Variants in MAN1B1 observed in about 807,000 individuals in gnomAD.
MAN1B1 encodes mannosidase alpha class 1B member 1.
Under a neutral mutation model 75.5 loss-of-function variants are expected in MAN1B1, and 66 were observed. The observed-to-expected ratio is 0.87, with a 90% confidence interval of 0.72 to 1.07. The LOEUF (loss-of-function observed/expected upper bound fraction) is 1.07. Ranked by LOEUF, MAN1B1 falls within the 50% of genes least tolerant of loss-of-function variation. The pLI is 0.00. For synonymous variants in MAN1B1, 453 were observed against 382.8 expected (o/e 1.18, Z -2.14); for missense variants, 973 against 912.5 (o/e 1.07, Z -0.85).
intron 4 of MAN1B1, among the ~76,000 whole-genome samples, chr9:137,097,018 C>T (rs990192878): frequency 2.0e-5 from 3 of 152,194 alleles, no homozygotes; most frequent in East Asian, 3.8e-4. Context: ...CGCTGTCCGC[C>T]GTGAGAGATG....
intron 5 of MAN1B1, among the ~76,000 whole-genome samples, chr9:137,099,302 C>T (rs1164969112): frequency 1.3e-5 from 2 of 152,274 alleles, no homozygotes; most frequent in Non-Finnish European, 2.9e-5. Flanking sequence ...CACTCACCCA[C>T]GTCTCCACAG....
rs557743201 is a variant in MAN1B1, at chr9:137,103,944, C to T, written c.1255-2181C>T. The T allele has an allele frequency of 9.0e-4, 407 of 449,852 alleles. 1 individual carries two copies. Among genetic ancestry groups the T allele is most frequent in the African/African-American group, 7.1e-3 (346 of 48,680 alleles). The allele number at this position is 449,852 out of a possible 1,614,324, so 27.9% of individuals were successfully genotyped here. A position where few individuals can be genotyped will look rare whatever the true frequency, so the allele number is the denominator to read the frequency against. On this transcript the variant is annotated intron_variant, in intron 8 of 12. Transcript: ENST00000371589. Reference sequence around the variant, plus strand: ...TGTTACACATTCATGCTGTTGCAGGCGTGCAGGTCGGTGGTGTTGCACATT... The same window carrying T: ...TGTTACACATTCATGCTGTTGCAGGTGTGCAGGTCGGTGGTGTTGCACATT...
At position 137,108,879 on chromosome 9, in the gene MAN1B1, G is replaced by A. The variant is rs1196404990; in HGVS notation, c.*288G>A. ...GCTGAAGCCTGAGCAGGTCTCTGTG[G>A]GCCGACCAGAGGGGGGCTTCGAGGT... On this transcript the variant is annotated 3_prime_UTR_variant, in exon 13 of 13. Coordinates refer to ENST00000371589, the MANE Select transcript of MAN1B1 (RefSeq NM_016219.5). The A allele has an allele frequency of 1.7e-6, 1 of 583,544 alleles. No individual in the cohort carries two copies. The highest frequency in any genetic ancestry group is 3.2e-6 in the Non-Finnish European group (1 of 309,712). The allele number at this position is 583,544 out of a possible 1,614,324, so 36.1% of individuals were successfully genotyped here.
intron 2 of MAN1B1, 144 bp downstream of exon 2, chr9:137,088,327 G>C (rs767974184): frequency 2.3e-5 from 37 of 1,602,970 alleles, no homozygotes; most frequent in Non-Finnish European, 3.1e-5. Context: ...GAAAGGTAGA[G>C]CTGTATGTAA....
rs200805911 is a variant in MAN1B1, at chr9:137,096,206, G to A, written c.466-31G>A. 358 of 1,613,790 alleles carry A rather than the reference G, an allele frequency of 2.2e-4. 3 individuals are homozygous for A. The highest frequency in any genetic ancestry group is 9.1e-4 in the South Asian group (83 of 91,080). On this transcript the variant is annotated intron_variant, in intron 3 of 12. Coordinates refer to ENST00000371589, the MANE Select transcript of MAN1B1 (RefSeq NM_016219.5). ...AAGAAGGGCAGCTCGCAGACACCCC[G>A]TGATTTCCTGTGTGACCAATTTCTC...
chr9:137,099,617 G>A, intron 5 of MAN1B1, 79 bp from the exon 6 acceptor site: 2 of 1,492,830 alleles, frequency 1.3e-6, no homozygotes, highest in Non-Finnish European at 1.9e-6. Context: ...GGTCACAGCA[G>A]TGCTCTGCCT....
At chr9:137,100,759 A>G (rs1170631253) in intron 6 of MAN1B1, among the ~76,000 whole-genome samples, 6 of 152,108 alleles carry the variant, frequency 3.9e-5, no homozygotes, top group African/African-American at 1.5e-4. Flanking sequence ...AGTTGGGACC[A>G]CAGGCATGCG....
rs1227918860 is a variant in MAN1B1, at chr9:137,102,459, C to T, written c.1254+787C>T. The T allele has an allele frequency of 1.2e-4, 47 of 405,400 alleles. 1 individual carries two copies. The Middle Eastern group carries it at 2.5e-3, about 21-fold the overall frequency. 25.1% of individuals were successfully genotyped at this position (405,400 alleles called of 1,614,324 possible). A position where few individuals can be genotyped will look rare whatever the true frequency, so the allele number is the denominator to read the frequency against. ...TTCACACTGTTGCAGGCGTGCAGGT[C>T]GGTGGTGTTACACACATTCATTCTG... On this transcript the variant is annotated intron_variant, in intron 8 of 12. Transcript: ENST00000371589.
rs763358639 is a variant in MAN1B1 at position 137,089,024 on chromosome 9, G to A, written c.465+19G>A. The A allele has an allele frequency of 1.2e-6, 2 of 1,613,848 alleles. No individual in the cohort carries two copies. The highest frequency in any genetic ancestry group is 2.2e-5 in the South Asian group (2 of 91,076). On this transcript the variant is annotated intron_variant, in intron 3 of 12. Coordinates refer to ENST00000371589, the MANE Select transcript of MAN1B1 (RefSeq NM_016219.5). ...GTCACAGGTACTTTGAGCAAATGGTGTGGGGTTATAACTGGGGTTCAATCC... is the reference window on the plus strand; with the variant it reads ...GTCACAGGTACTTTGAGCAAATGGTATGGGGTTATAACTGGGGTTCAATCC...
At chr9:137,106,066 C>T in intron 8 of MAN1B1, 59 bp from the exon 9 acceptor site, 2 of 1,396,234 alleles carry the variant, frequency 1.4e-6, no homozygotes, top group East Asian at 2.3e-5. Flanking sequence ...AGCCCCTCTA[C>T]AGCTCACCCT....
In MAN1B1 at chr9:137,088,239, G is replaced by A. The variant is rs73668389; in HGVS notation, c.328+56G>A. On this transcript the variant is annotated intron_variant, in intron 2 of 12. Transcript: ENST00000371589. ...ATCTGTGTTGAGGGTTGATTGGGCA[G>A]AAGCAATCTTGCATTCTACCTTAAA... 6.3e-4 allele frequency: 1,012 copies of A among 1,613,910 alleles called. 5 individuals are homozygous for A. The African/African-American group carries it at 0.011, about 17-fold the overall frequency.
In MAN1B1 at chr9:137,102,138, C is replaced by T. The variant is rs564595892; in HGVS notation, c.1254+466C>T. Reference sequence around the variant, plus strand: ...GGTGTTACATTCACGCTGTTGCAGGCGTGCAGGTCGGTGCTGTTACACACA... The same window carrying T: ...GGTGTTACATTCACGCTGTTGCAGGTGTGCAGGTCGGTGCTGTTACACACA... On this transcript the variant is annotated intron_variant, in intron 8 of 12. Transcript: ENST00000371589. 2.0e-3 allele frequency: 855 copies of T among 425,796 alleles called. 8 individuals are homozygous for T. The highest frequency in any genetic ancestry group is 0.018 in the African/African-American group (758 of 41,874). The allele number at this position is 425,796 out of a possible 1,614,324, so 26.4% of individuals were successfully genotyped here.
rs766808208 is a variant in MAN1B1, at chr9:137,099,710, C to T, written c.745C>T (p.Arg249Cys). Reference sequence around the variant, plus strand: ...CCCCCTACTAGTGCATCTGAACTATCGCCAGAAGGGCGTGATTGACGTCTT... The same window carrying T: ...CCCCCTACTAGTGCATCTGAACTATTGCCAGAAGGGCGTGATTGACGTCTT... ...TQGTPVHLNY[R>C]QKGVIDVFLH... The change falls in exon 6 of 13, where the codon CGC (arginine) becomes TGC (cysteine). Residue 249 changes from arginine to cysteine, a missense_variant. Physicochemically the swap from Arg to Cys is radical, Grantham distance 180 (BLOSUM62 -3). Transcript: ENST00000371589. The T allele has an allele frequency of 7.4e-6, 12 of 1,614,106 alleles. No homozygotes were observed. The highest frequency in any genetic ancestry group is 3.3e-5 in the South Asian group (3 of 91,094).
intron 10 of MAN1B1, 39 bp from the exon 11 acceptor site, chr9:137,107,211 G>A: frequency 1.2e-6 from 2 of 1,603,092 alleles, no homozygotes; most frequent in Non-Finnish European, 1.7e-6. Flanking sequence ...CTGAGGGCAG[G>A]GCCTGGGATC....
chr9:137,107,038 G>A, intron 10 of MAN1B1: 1 of 744,662 alleles, frequency 1.3e-6, no homozygotes, highest in Non-Finnish European at 2.1e-6. Flanking sequence ...CCCGTGCCCG[G>A]TGTGTAGCAG....
Position 137,101,051 on chromosome 9 carries a change from A to G in MAN1B1, c.963A>G (p.Glu321=), listed in dbSNP as rs1369396886. The change falls in exon 7 of 13, where the codon GAA becomes GAG. Residue 321 remains glutamate (E), a synonymous_variant. Coordinates refer to ENST00000371589, the MANE Select transcript of MAN1B1 (RefSeq NM_016219.5). ...GGGTGTCGAAGAAGTTACACTTTGA[A>G]AAGGACGTGGACGTCAACCTGTTTG... is the stretch of plus-strand genomic sequence containing the variant. ...RKWVSKKLHF[E]KDVDVNLFES... 1 of 1,614,208 alleles carries G rather than the reference A, an allele frequency of 6.2e-7. No homozygotes were observed. The highest frequency in any genetic ancestry group is 1.3e-5 in the African/African-American group (1 of 75,064).
In MAN1B1 at chr9:137,108,753, A is replaced by C. The variant is rs1201214886; in HGVS notation, c.*162A>C. The C allele has an allele frequency of 1.4e-6, 1 of 732,140 alleles. No individual in the cohort carries two copies. The highest frequency in any genetic ancestry group is 2.7e-5 in the East Asian group (1 of 37,554). 45.4% of individuals were successfully genotyped at this position (732,140 alleles called of 1,614,324 possible). A position where few individuals can be genotyped will look rare whatever the true frequency, so the allele number is the denominator to read the frequency against. ...TCTCTGCTTTAATCAGGACACCGTGAGGACAAGTGAGGCCGTCAGTCTTGG... is the reference window on the plus strand; with the variant it reads ...TCTCTGCTTTAATCAGGACACCGTGCGGACAAGTGAGGCCGTCAGTCTTGG... On this transcript the variant is annotated 3_prime_UTR_variant, in exon 13 of 13. Coordinates refer to ENST00000371589, the MANE Select transcript of MAN1B1 (RefSeq NM_016219.5).
At position 137,098,911 on chromosome 9, in the gene MAN1B1, C is replaced by T. The variant is rs979637784; in HGVS notation, c.731-785C>T. On this transcript the variant is annotated intron_variant, in intron 5 of 12. Coordinates refer to ENST00000371589, the MANE Select transcript of MAN1B1 (RefSeq NM_016219.5). ...GTCTTGCTTTGTCACTTCACTGCAA[C>T]GTCTGCCTTCTGGGTTCAAGCAAGT... 3.3e-5 allele frequency among the ~76,000 whole-genome samples: 5 copies of T among 152,228 alleles called. No individual in the cohort carries two copies. In the East Asian group the frequency reaches 5.8e-4, roughly 18 times the overall value.
intron 8 of MAN1B1, chr9:137,102,778 CGGT>C (rs1470710939): frequency 3.4e-5 from 15 of 439,738 alleles, no homozygotes; most frequent in Non-Finnish European, 5.8e-5. Flanking sequence ...GCGTGCAGGT[CGGT>C]GGTGTTACAC....
Sources: allele counts gnomAD v4.1 joint callset (sites outside exome capture counted in the v4.1 genomes callset), GRCh38; gene constraint gnomAD v4.1.1; transcripts MANE v1.5; gene names NCBI Gene and HGNC (gene_info 2026-07-23, HGNC 2026-07-21).